PRKG1: variants seen among roughly 807,000 people sequenced by gnomAD.
The protein encoded by PRKG1 is cGMP-dependent protein kinase 1.
A neutral mutation model predicts 88.1 loss-of-function variants in PRKG1; 35 were observed. The observed-to-expected ratio is 0.40, with a 90% CI of 0.30 to 0.53. The LOEUF (loss-of-function observed/expected upper bound fraction) is 0.53, where lower values mean the gene tolerates loss of function less well. PRKG1 is among the 20% of genes least tolerant of loss of function. The pLI is 0.59. For missense variants in PRKG1, 540 were observed against 839.8 expected (o/e 0.64, Z 4.41); for synonymous variants, 303 against 292.5 (o/e 1.04, Z -0.37).
rs372952199 is a variant in PRKG1 at position 51,552,223 on chromosome 10, C to T, written c.592+84387C>T. 5.9e-5 allele frequency among the ~76,000 whole-genome samples: 9 copies of T among 151,756 alleles called. No homozygotes were observed. In the South Asian group the frequency reaches 1.9e-3, roughly 31 times the overall value. On this transcript the variant is annotated intron_variant, in intron 3 of 17. Transcript: ENST00000373980. ...AGAATAAGTACTAGCCTCCCTCTAG[C>T]ACCACAATGTTTTCTTAAATTTCCC...
At chr10:51,541,851 A>G (rs1481039684) in intron 3 of PRKG1, among the ~76,000 whole-genome samples, 2 of 152,204 alleles carry the variant, frequency 1.3e-5, no homozygotes, top group Non-Finnish European at 2.9e-5. Flanking sequence ...AGTATTTTAA[A>G]ATCTTTTTAA....
chr10:51,764,076 A>C (rs1838093636), intron 3 of PRKG1, among the ~76,000 whole-genome samples: 1 of 152,184 alleles, frequency 6.6e-6, no homozygotes, highest in Non-Finnish European at 1.5e-5. Flanking sequence ...AAGTTTCAAC[A>C]TGTGTTTCAG....
intron 4 of PRKG1, among the ~76,000 whole-genome samples, chr10:51,854,052 T>C (rs933297611): frequency 2.6e-5 from 4 of 152,154 alleles, no homozygotes; most frequent in African/African-American, 9.6e-5. Flanking sequence ...CAGATGTTAA[T>C]ACTTCCTGGC....
intron 4 of PRKG1, among the ~76,000 whole-genome samples, chr10:51,896,645 TAAAA>T (rs10649150): frequency 7.4e-5 from 7 of 94,996 alleles, no homozygotes; most frequent in Admixed American, 4.0e-4. Flanking sequence ...CCCTGTCTCT[TAAAA>T]AAAAAAAAAA....
chr10:51,440,361 G>C (rs900086930), intron 2 of PRKG1, among the ~76,000 whole-genome samples: 1 of 151,804 alleles, frequency 6.6e-6, no homozygotes, highest in East Asian at 1.9e-4. Context: ...ACTTATGATA[G>C]GGTTACATTC....
At chr10:51,106,734 G>A (rs1844844269) in intron 1 of PRKG1, among the ~76,000 whole-genome samples, 1 of 152,192 alleles carries the variant, frequency 6.6e-6, no homozygotes, top group African/African-American at 2.4e-5. Context: ...GTTGTGGTTT[G>A]AATATGTCAC....
At chr10:51,726,736 T>C (rs1460031074) in intron 3 of PRKG1, among the ~76,000 whole-genome samples, 2 of 152,230 alleles carry the variant, frequency 1.3e-5, no homozygotes, top group African/African-American at 4.8e-5. Flanking sequence ...TTGTTATTAA[T>C]GCCTATTGAA....
At chr10:52,044,032 T>C (rs891744304) in intron 5 of PRKG1, among the ~76,000 whole-genome samples, 1 of 152,028 alleles carries the variant, frequency 6.6e-6, no homozygotes, top group African/African-American at 2.4e-5. Flanking sequence ...AGGTCAACAG[T>C]TGTCTTTGAA....
intron 2 of PRKG1, among the ~76,000 whole-genome samples, chr10:51,381,240 G>A (rs1163964165): frequency 2.1e-5 from 2 of 94,110 alleles, no homozygotes; most frequent in African/African-American, 8.2e-5. Flanking sequence ...CTGGGCAACA[G>A]AGCAAGCCTC....
chr10:51,774,108 T>C (rs887055683), intron 3 of PRKG1, among the ~76,000 whole-genome samples: 54 of 152,096 alleles, frequency 3.6e-4, no homozygotes, highest in African/African-American at 1.3e-3. Flanking sequence ...TTGGCTACTT[T>C]CTGGCCCTGT....
chr10:51,312,580 A>T (rs1384480708), intron 2 of PRKG1, among the ~76,000 whole-genome samples: 2 of 152,154 alleles, frequency 1.3e-5, no homozygotes, highest in Non-Finnish European at 2.9e-5. Context: ...GTGAGAAAGG[A>T]TGATAGAAAC....
chr10:51,399,866 G>A (rs977113647), intron 2 of PRKG1, among the ~76,000 whole-genome samples: 1 of 152,140 alleles, frequency 6.6e-6, no homozygotes, highest in African/African-American at 2.4e-5. Context: ...CCATGGTGGA[G>A]AGCTAGAGCA....
Position 51,386,021 on chromosome 10 carries a change from G to A in PRKG1, c.479-81702G>A, listed in dbSNP as rs1346077637. ...TCTCATTGGTTTAGAGTGTAAAAAT[G>A]TATTCTTACTGATAATAAAAGTTAA... On this transcript the variant is annotated intron_variant, in intron 2 of 17. Coordinates refer to ENST00000373980, the MANE Select transcript of PRKG1 (RefSeq NM_006258.4). Among the ~76,000 whole-genome samples, 4 of 152,232 alleles carry A rather than the reference G, an allele frequency of 2.6e-5. No individual in the cohort carries two copies. The East Asian group carries it at 7.7e-4, about 29-fold the overall frequency.
chr10:52,190,417 G>C (rs952792369), intron 9 of PRKG1, among the ~76,000 whole-genome samples: 2 of 152,000 alleles, frequency 1.3e-5, no homozygotes, highest in Non-Finnish European at 2.9e-5. Context: ...ATAAAACATA[G>C]TCCCATTTTA....
chr10:52,271,558 C>T, intron 11 of PRKG1, 69 bp downstream of exon 11: 1 of 1,525,924 alleles, frequency 6.6e-7, no homozygotes, highest in Admixed American at 1.9e-5. Context: ...AACCCTCTGC[C>T]ACTTGTGCTC....
Position 51,457,668 on chromosome 10 carries a change from G to A in PRKG1, c.479-10055G>A, listed in dbSNP as rs766706180. On this transcript the variant is annotated intron_variant, in intron 2 of 17. Coordinates refer to ENST00000373980, the MANE Select transcript of PRKG1 (RefSeq NM_006258.4). ...TAGCATATTTTTAAGCTTCATTCAC[G>A]TTGTAGCACGTATCAGCAGGTCATT... 4.6e-5 allele frequency among the ~76,000 whole-genome samples: 7 copies of A among 152,172 alleles called. No homozygotes were observed. The East Asian group carries it at 7.7e-4, about 17-fold the overall frequency.
At chr10:51,064,287 C>A (rs2132787583) in intron 1 of PRKG1, among the ~76,000 whole-genome samples, 1 of 152,064 alleles carries the variant, frequency 6.6e-6, no homozygotes, top group East Asian at 1.9e-4. Context: ...GAGGAAAAAT[C>A]TAATTAAAAC....
chr10:52,024,364 T>C (rs1045292449), intron 5 of PRKG1, among the ~76,000 whole-genome samples: 4 of 152,020 alleles, frequency 2.6e-5, no homozygotes, highest in Non-Finnish European at 5.9e-5. Flanking sequence ...AGTTCTAGGG[T>C]ACATGTGCAC....
At chr10:51,663,249 A>T (rs1218468309) in intron 3 of PRKG1, among the ~76,000 whole-genome samples, 1 of 152,114 alleles carries the variant, frequency 6.6e-6, no homozygotes, top group Non-Finnish European at 1.5e-5. Context: ...AACAAGGCAG[A>T]TGTTTTTAGC....
Sources: allele counts gnomAD v4.1 joint callset (sites outside exome capture counted in the v4.1 genomes callset), GRCh38; gene constraint gnomAD v4.1.1; transcripts MANE v1.5; gene names NCBI Gene and HGNC (gene_info 2026-07-23, HGNC 2026-07-21).